FREM3: variants seen among roughly 807,000 people sequenced by gnomAD.
The protein encoded by FREM3 is FRAS1 related extracellular matrix 3, also known as FRAS1-related extracellular matrix protein 3.
In FREM3, 105 loss-of-function variants were observed where a neutral mutation model predicts 129.1. The observed-to-expected ratio is 0.81, with a 90% CI of 0.69 to 0.96. The LOEUF (loss-of-function observed/expected upper bound fraction) is 0.96. Among genes scored for constraint, FREM3 ranks in the 40% least tolerant of loss-of-function variants. The probability of loss-of-function intolerance (pLI) is 0.00; values close to 1 mark genes in which losing one functional copy is unlikely to be tolerated. For synonymous variants in FREM3, 1,014 were observed against 1,044.9 expected (o/e 0.97, Z 0.57); for missense variants, 2,593 against 2,666.3 (o/e 0.97, Z 0.61).
At chr4:143,687,901 A>G (rs1262170741) in intron 2 of FREM3, among the ~76,000 whole-genome samples, 2 of 152,172 alleles carry the variant, frequency 1.3e-5, no homozygotes, top group Non-Finnish European at 2.9e-5. Context: ...CCCACAGCCA[A>G]TATAATACTG....
At chr4:143,663,899 C>G (rs1739793305) in intron 2 of FREM3, among the ~76,000 whole-genome samples, 2 of 152,110 alleles carry the variant, frequency 1.3e-5, no homozygotes, top group Non-Finnish European at 2.9e-5. Context: ...CTTCTGCATT[C>G]TTCACGTAGT....
intron 6 of FREM3, among the ~76,000 whole-genome samples, chr4:143,599,774 A>ATTCAGGGCTAGG (rs1738540771): frequency 6.6e-6 from 1 of 152,090 alleles, no homozygotes; most frequent in African/African-American, 2.4e-5. Flanking sequence ...CTTGGGCTAG[A>ATTCAGGGCTAGG]TTCAGGGGTA....
intron 2 of FREM3, among the ~76,000 whole-genome samples, chr4:143,659,943 T>G (rs1739675963): frequency 1.3e-5 from 2 of 151,618 alleles, no homozygotes; most frequent in Non-Finnish European, 2.9e-5. Context: ...GTTTTTTTCT[T>G]GTAAATTTGT....
chr4:143,632,734 C>T (rs544739704), intron 2 of FREM3, among the ~76,000 whole-genome samples: 35 of 152,210 alleles, frequency 2.3e-4, no homozygotes, highest in Admixed American at 2.0e-3. Context: ...CTTTTGGCTT[C>T]CCTGGGCCAC....
Position 143,697,524 on chromosome 4 carries a change from C to T in FREM3, c.3152G>A (p.Ser1051Asn). The T allele has an allele frequency of 6.5e-7, 1 of 1,537,314 alleles. No individual in the cohort carries two copies. The highest frequency in any genetic ancestry group is 8.7e-7 in the Non-Finnish European group (1 of 1,146,922). Reference protein sequence around the residue: ...KDSYQWVVGNSIIEKVQVQVT... With the variant: ...KDSYQWVVGNNIIEKVQVQVT... ...TTGTACCTGTACTTTCTCTATTATG[C>T]TATTCCCCACTACCCATTGGTAAGA... The change falls in exon 1 of 8, where the codon AGC becomes AAC. Residue 1051 changes from serine to asparagine, a missense_variant. Ser to Asn is a conservative substitution (Grantham distance 46, BLOSUM62 1). This residue lies in a region of FREM3 where 2,276 missense variants were observed against 2,267.2 expected (regional missense o/e 1.00). Transcript: ENST00000329798.
At chr4:143,679,273 A>T (rs946344820) in intron 2 of FREM3, among the ~76,000 whole-genome samples, 63 of 152,300 alleles carry the variant, frequency 4.1e-4, no homozygotes, top group African/African-American at 1.4e-3. Context: ...GAGTGTGCCC[A>T]TTAATTTTCA....
intron 5 of FREM3, among the ~76,000 whole-genome samples, chr4:143,617,201 T>C (rs941587332): frequency 1.3e-5 from 2 of 152,120 alleles, no homozygotes; most frequent in African/African-American, 2.4e-5. Flanking sequence ...AACATTTCAT[T>C]ATAGAGCAAG....
At chr4:143,669,564 G>C (rs1467499556) in intron 2 of FREM3, among the ~76,000 whole-genome samples, 1 of 151,488 alleles carries the variant, frequency 6.6e-6, no homozygotes, top group Non-Finnish European at 1.5e-5. Context: ...TTATAGGCCT[G>C]AGCCACTATG....
chr4:143,653,658 C>T (rs1739549381), intron 2 of FREM3, among the ~76,000 whole-genome samples: 3 of 152,184 alleles, frequency 2.0e-5, no homozygotes, highest in Admixed American at 6.5e-5. Context: ...AGAGGTTATA[C>T]AAGAAGTGTA....
At chr4:143,664,063 C>G (rs544086647) in intron 2 of FREM3, among the ~76,000 whole-genome samples, 2 of 152,246 alleles carry the variant, frequency 1.3e-5, no homozygotes, top group South Asian at 2.1e-4. Flanking sequence ...GTTTGATCGT[C>G]TGAAGTCTTC....
chr4:143,618,613 G>T (rs1179013252), intron 5 of FREM3, among the ~76,000 whole-genome samples: 1 of 152,126 alleles, frequency 6.6e-6, no homozygotes, highest in Non-Finnish European at 1.5e-5. Context: ...CCCATTAGCA[G>T]CCAAGTATGG....
intron 2 of FREM3, among the ~76,000 whole-genome samples, chr4:143,663,900 T>C (rs949860211): frequency 3.3e-5 from 5 of 152,294 alleles, no homozygotes; most frequent in Middle Eastern, 3.4e-3. Context: ...TTCTGCATTC[T>C]TCACGTAGTT....
chr4:143,602,838 C>T (rs1738596424), intron 6 of FREM3, among the ~76,000 whole-genome samples: 1 of 152,162 alleles, frequency 6.6e-6, no homozygotes, highest in Non-Finnish European at 1.5e-5. Context: ...GAAGAGCAAG[C>T]AGCCAAAAGA....
intron 2 of FREM3, among the ~76,000 whole-genome samples, chr4:143,678,254 G>C (rs1238479036): frequency 6.6e-6 from 1 of 152,102 alleles, no homozygotes; most frequent in East Asian, 1.9e-4. Context: ...CATGGATAAA[G>C]CTGGAAACCA....
chr4:143,657,759 TA>T (rs1739627672), intron 2 of FREM3, among the ~76,000 whole-genome samples: 1 of 152,066 alleles, frequency 6.6e-6, no homozygotes, highest in Non-Finnish European at 1.5e-5. Flanking sequence ...AATTTTAGGT[TA>T]AAAAAGGTTA....
intron 2 of FREM3, among the ~76,000 whole-genome samples, chr4:143,665,831 A>T (rs976742675): frequency 3.9e-5 from 6 of 152,140 alleles, no homozygotes; most frequent in African/African-American, 1.4e-4. Flanking sequence ...GTACTCATCT[A>T]ACTAGCCCTT....
At chr4:143,648,081 A>T (rs1739450188) in intron 2 of FREM3, among the ~76,000 whole-genome samples, 1 of 152,232 alleles carries the variant, frequency 6.6e-6, no homozygotes, top group Non-Finnish European at 1.5e-5. Context: ...TGGATGTGAG[A>T]CATAGAGTCA....
chr4:143,608,132 A>G (rs1738696646), intron 6 of FREM3, among the ~76,000 whole-genome samples: 2 of 152,164 alleles, frequency 1.3e-5, no homozygotes, highest in African/African-American at 4.8e-5. Context: ...AACAGCCTTA[A>G]CTTAATCAGA....
chr4:143,665,144 C>A (rs1578859005), intron 2 of FREM3, among the ~76,000 whole-genome samples: 1 of 152,080 alleles, frequency 6.6e-6, no homozygotes, highest in East Asian at 1.9e-4. Flanking sequence ...AATCCAGTAC[C>A]TCAGATGGAA....
Sources: gnomAD v4.1 joint callset for allele counts (sites outside exome capture counted in the v4.1 genomes callset) on GRCh38, gnomAD v4.1.1 for gene constraint, gnomAD v4.1.1 regional missense constraint, MANE v1.5 for transcripts, NCBI Gene and HGNC (gene_info 2026-07-23, HGNC 2026-07-21) for gene names.